The following LITAFD variants were observed in gnomAD, a reference collection of about 807,000 sequenced individuals.
LITAFD encodes the protein LITAF domain containing.
chr16:8,882,592 G>A (rs2061546302), intron 1 of LITAFD, 82 bp downstream of exon 1: 1 of 152,350 alleles, frequency 6.6e-6, no homozygotes, highest in South Asian at 2.1e-4. Flanking sequence ...AAGCAGAGAG[G>A]AGACGAGGGT....
intron 1 of LITAFD, among the ~76,000 whole-genome samples, chr16:8,882,985 G>A (rs555201737): frequency 3.3e-5 from 5 of 152,228 alleles, no homozygotes; most frequent in African/African-American, 1.2e-4. Flanking sequence ...ACAGGCGTGC[G>A]CCACTGTGCC....
At chr16:8,883,582 C>T (rs1411013425) in intron 2 of LITAFD, among the ~76,000 whole-genome samples, 6 of 152,038 alleles carry the variant, frequency 3.9e-5, no homozygotes, top group Admixed American at 2.6e-4. Flanking sequence ...AGTAGACTCC[C>T]GTTCTCTACT....
chr16:8,885,002 G>A, intron 3 of LITAFD, 185 bp from the exon 4 acceptor site: 1 of 398,618 alleles, frequency 2.5e-6, no homozygotes, highest in Non-Finnish European at 4.4e-6. Context: ...AGGCAGGGGA[G>A]GCAGAGGTTG....
At chr16:8,883,223 T>C (rs2061549722) in exon 2 of LITAFD, 1 of 152,388 alleles carries the variant, frequency 6.6e-6, no homozygotes, top group Non-Finnish European at 1.5e-5. Context: ...CTTATCCTGC[T>C]GGTCCCCCTC....
chr16:8,883,812 C>A (rs1235582609), intron 2 of LITAFD, among the ~76,000 whole-genome samples: 1 of 152,204 alleles, frequency 6.6e-6, no homozygotes, highest in South Asian at 2.1e-4. Context: ...GGCCTGTAAT[C>A]CCAGAACTTT....
At chr16:8,884,174 A>C in intron 2 of LITAFD, 149 bp from the exon 3 acceptor site, 1 of 395,742 alleles carries the variant, frequency 2.5e-6, no homozygotes, top group Non-Finnish European at 4.5e-6. Flanking sequence ...TGGGGGAGCC[A>C]CACCACACCC....
intron 3 of LITAFD, 118 bp downstream of exon 3, chr16:8,884,583 A>AG: frequency 2.5e-6 from 1 of 397,424 alleles, no homozygotes; most frequent in Non-Finnish European, 4.4e-6. Flanking sequence ...AGCATAGGGG[A>AG]GGCCAGTTGG....
Position 8,884,346 on chromosome 16 carries a change from G to GGGGACGTCCATGCCGGTGC in LITAFD, c.-9_10dup. 2.5e-6 allele frequency: 1 copy of GGGGACGTCCATGCCGGTGC among 399,124 alleles called. No individual in the cohort carries two copies. The highest frequency in any genetic ancestry group is 4.4e-6 in the Non-Finnish European group (1 of 226,140). 24.7% of individuals were successfully genotyped at this position (399,124 alleles called of 1,614,324 possible). Reference sequence around the variant, plus strand: ...AGCTGTATGCCGGCATGTCCGTGGTGGGGACGTCCATGCCGGTGCAGGCCG... The same window carrying GGGGACGTCCATGCCGGTGC: ...AGCTGTATGCCGGCATGTCCGTGGTGGGGACGTCCATGCCGGTGCGGGACGTCCATGCCGGTGCAGGCCG... On this transcript the variant is annotated 5_prime_UTR_variant, in exon 3 of 4. The change creates a new upstream start codon in the 5' untranslated region. Coordinates refer to ENST00000636296, the Ensembl canonical transcript of LITAFD.
chr16:8,883,391 C>G (rs981230234), intron 2 of LITAFD, 105 bp downstream of exon 2: 1 of 152,294 alleles, frequency 6.6e-6, no homozygotes, highest in Non-Finnish European at 1.5e-5. Context: ...TCTGCCCAAA[C>G]AGCACATCCT....
In LITAFD at chr16:8,884,341, G is replaced by A. The variant is rs1048636027; in HGVS notation, c.-15G>A. On this transcript the variant is annotated 5_prime_UTR_variant, in exon 3 of 4. The change creates a new upstream start codon in the 5' untranslated region. Coordinates refer to ENST00000636296, the Ensembl canonical transcript of LITAFD. ...CCCACAGCTGTATGCCGGCATGTCC[G>A]TGGTGGGGACGTCCATGCCGGTGCA... The A allele has an allele frequency of 1.5e-5, 6 of 399,004 alleles. No homozygotes were observed. The highest frequency in any genetic ancestry group is 2.2e-5 in the Non-Finnish European group (5 of 226,144). 24.7% of individuals were successfully genotyped at this position (399,004 alleles called of 1,614,324 possible). A position where few individuals can be genotyped will look rare whatever the true frequency, so the allele number is the denominator to read the frequency against.
At position 8,884,274 on chromosome 16, in the gene LITAFD, G is replaced by T. The variant is rs1040740242; in HGVS notation, c.-33-49G>T. On this transcript the variant is annotated intron_variant, in intron 2 of 3. Coordinates refer to ENST00000636296, the Ensembl canonical transcript of LITAFD. ...CCATGGGAATTGAGAAGCCACAGGG[G>T]TCCTGGCCCCGGGGGGTCCCACCTG... 2.3e-5 allele frequency: 9 copies of T among 398,450 alleles called. No individual in the cohort carries two copies. In the Admixed American group the frequency reaches 3.5e-4, roughly 16 times the overall value. The allele number at this position is 398,450 out of a possible 1,614,324, so 24.7% of individuals were successfully genotyped here. A position where few individuals can be genotyped will look rare whatever the true frequency, so the allele number is the denominator to read the frequency against.
chr16:8,884,833 C>T (rs949847886), intron 3 of LITAFD, among the ~76,000 whole-genome samples: 2 of 152,150 alleles, frequency 1.3e-5, no homozygotes, highest in African/African-American at 4.8e-5. Flanking sequence ...GCCTGTAATC[C>T]CAGCACTTTG....
At chr16:8,885,149 G>T (rs1483960242) in intron 3 of LITAFD, 38 bp from the exon 4 acceptor site, 1 of 399,338 alleles carries the variant, frequency 2.5e-6, no homozygotes, top group Admixed American at 4.4e-5. Context: ...AGTGAGAGGT[G>T]GCCCCGCTCA....
intron 2 of LITAFD, among the ~76,000 whole-genome samples, chr16:8,883,619 C>T (rs554053117): frequency 1.5e-4 from 23 of 152,172 alleles, no homozygotes; most frequent in Non-Finnish European, 3.2e-4. Context: ...CCTCAGGCCA[C>T]AGAGGAGGGG....
intron 2 of LITAFD, among the ~76,000 whole-genome samples, 193 bp downstream of exon 2, chr16:8,883,479 G>C (rs1459548742): frequency 6.6e-6 from 1 of 152,112 alleles, no homozygotes; most frequent in Non-Finnish European, 1.5e-5. Flanking sequence ...CATGCTGGCT[G>C]TGTTGCCAGT....
At chr16:8,885,020 C>A (rs1250672959) in intron 3 of LITAFD, 167 bp from the exon 4 acceptor site, 1 of 398,860 alleles carries the variant, frequency 2.5e-6, no homozygotes, top group East Asian at 3.6e-5. Context: ...TTGCAGTGAG[C>A]CAAGATCACG....
intron 2 of LITAFD, among the ~76,000 whole-genome samples, chr16:8,883,870 G>A (rs1014766120): frequency 2.0e-5 from 3 of 152,172 alleles, no homozygotes; most frequent in African/African-American, 7.2e-5. Flanking sequence ...TTCAAGACCA[G>A]CTTGGCCAAC....
chr16:8,884,765 C>T (rs1567197536), intron 3 of LITAFD, among the ~76,000 whole-genome samples: 1 of 152,108 alleles, frequency 6.6e-6, no homozygotes, highest in Non-Finnish European at 1.5e-5. Context: ...CAGGATGGCT[C>T]TTACCTCTCA....
At chr16:8,883,940 C>T (rs953279421) in intron 2 of LITAFD, among the ~76,000 whole-genome samples, 2 of 152,168 alleles carry the variant, frequency 1.3e-5, no homozygotes, top group Admixed American at 1.3e-4. Flanking sequence ...TGGCACATGT[C>T]TATAGTCCCA....
Sources: allele counts gnomAD v4.1 joint callset (sites outside exome capture counted in the v4.1 genomes callset), GRCh38; gene constraint gnomAD v4.1.1; transcripts MANE v1.5; gene names NCBI Gene and HGNC (gene_info 2026-07-23, HGNC 2026-07-21).